Variants in EYS observed in about 807,000 individuals in gnomAD.
EYS encodes protein eyes shut homolog.
Under a neutral mutation model 282.1 loss-of-function variants are expected in EYS, and 250 were observed. That is an observed-to-expected ratio of 0.89 (90% CI 0.80 to 0.98). EYS has a LOEUF of 0.98. Among genes scored for constraint, EYS ranks in the 50% least tolerant of loss-of-function variants. EYS has a pLI of 0.00. For synonymous variants in EYS, 1,355 were observed against 1,282.9 expected (o/e 1.06, Z -1.20); for missense variants, 4,016 against 3,709.0 (o/e 1.08, Z -2.15).
chr6:65,145,534 G>GGAAA (rs2150211644), intron 12 of EYS, among the ~76,000 whole-genome samples: 2 of 151,878 alleles, frequency 1.3e-5, no homozygotes, highest in Admixed American at 1.3e-4. Context: ...AGGATGTGGA[G>GGAAA]GAAAGAAATG....
At chr6:65,556,457 C>A (rs1205040388) in intron 2 of EYS, among the ~76,000 whole-genome samples, 1 of 149,228 alleles carries the variant, frequency 6.7e-6, no homozygotes, top group Non-Finnish European at 1.5e-5. Flanking sequence ...GTGTCAGATC[C>A]TCTTTTAGTG....
chr6:63,871,194 G>A (rs1477382301), intron 35 of EYS, among the ~76,000 whole-genome samples: 4 of 152,188 alleles, frequency 2.6e-5, no homozygotes, highest in East Asian at 1.9e-4. Flanking sequence ...GTAGATCTGA[G>A]CTGAGATGCA....
Position 64,958,714 on chromosome 6 carries a change from G to A in EYS, c.2260-12800C>T, listed in dbSNP as rs1290301844. ...CGCGCCACAGCACTCCAGCCTGGGC[G>A]ACAAAACGAGACTCCGTCTCAAAAA... On this transcript the variant is annotated intron_variant, in intron 14 of 42. Transcript: ENST00000503581. Among the ~76,000 whole-genome samples, 343 of 80,092 alleles carry A rather than the reference G, an allele frequency of 4.3e-3. 1 individual carries two copies. Among genetic ancestry groups the A allele is most frequent in the Middle Eastern group, 0.037 (2 of 54 alleles). 52.5% of individuals were successfully genotyped at this position (80,092 alleles called of 152,430 possible).
At chr6:63,935,545 G>A (rs1765033419) in intron 35 of EYS, among the ~76,000 whole-genome samples, 1 of 152,094 alleles carries the variant, frequency 6.6e-6, no homozygotes, top group Non-Finnish European at 1.5e-5. Flanking sequence ...TTGAAAAGGA[G>A]GAAGAGGAAA....
rs765310261 is a variant in EYS, at chr6:63,721,352, A to G, written c.8679T>C (p.Asn2893=). Reference sequence around the variant, plus strand: ...AACATCTGCAAGAAAAAGTTGTGCCATTTACTGTACATTCACCTCCATTTC... The same window carrying G: ...AACATCTGCAAGAAAAAGTTGTGCCGTTTACTGTACATTCACCTCCATTTC... ...TCRNGGECTV[N]GTTFSCRCLP... Residue 2893 remains asparagine, a synonymous_variant, in exon 43 of 43, where the codon AAT becomes AAC. Transcript: ENST00000503581. 17 of 1,551,778 alleles carry G rather than the reference A, an allele frequency of 1.1e-5. No individual in the cohort carries two copies. The highest frequency in any genetic ancestry group is 6.1e-6 in the Non-Finnish European group (7 of 1,146,984).
At chr6:63,893,314 T>C (rs528963402) in intron 35 of EYS, among the ~76,000 whole-genome samples, 88 of 152,106 alleles carry the variant, frequency 5.8e-4, no homozygotes, top group Non-Finnish European at 1.0e-3. Flanking sequence ...TAGCAAAGAC[T>C]TGGAACCAAC....
chr6:65,112,654 G>T (rs1262356906), intron 12 of EYS, among the ~76,000 whole-genome samples: 3 of 152,122 alleles, frequency 2.0e-5, no homozygotes, highest in Non-Finnish European at 4.4e-5. Flanking sequence ...TTTAGAAGGA[G>T]AGATTTCCTT....
At chr6:64,951,958 A>G (rs1164676280) in intron 14 of EYS, among the ~76,000 whole-genome samples, 1 of 152,002 alleles carries the variant, frequency 6.6e-6, no homozygotes, top group Non-Finnish European at 1.5e-5. Context: ...GAGAGTGACC[A>G]CAGATTTAGA....
chr6:64,158,883 T>C (rs1022730683), intron 31 of EYS, among the ~76,000 whole-genome samples: 2 of 152,234 alleles, frequency 1.3e-5, no homozygotes, highest in Admixed American at 6.5e-5. Context: ...CATTCATTAA[T>C]TGAGTCATTC....
intron 22 of EYS, among the ~76,000 whole-genome samples, chr6:64,743,144 G>A (rs1772431470): frequency 6.6e-6 from 1 of 152,034 alleles, no homozygotes; most frequent in Non-Finnish European, 1.5e-5. Context: ...ATGAACAAAT[G>A]TGATAAACCT....
intron 30 of EYS, among the ~76,000 whole-genome samples, chr6:64,236,092 G>C (rs1766597252): frequency 6.6e-6 from 1 of 152,078 alleles, no homozygotes; most frequent in African/African-American, 2.4e-5. Flanking sequence ...CTGGCAAATC[G>C]AATCCAGCAG....
At chr6:65,349,783 T>C (rs1447113026) in intron 9 of EYS, among the ~76,000 whole-genome samples, 8 of 151,386 alleles carry the variant, frequency 5.3e-5, no homozygotes, top group Non-Finnish European at 1.2e-4. Context: ...GTATGAAGGT[T>C]GAAAGAAAAA....
chr6:64,923,014 T>C (rs1768398897), intron 15 of EYS, among the ~76,000 whole-genome samples: 1 of 152,152 alleles, frequency 6.6e-6, no homozygotes, highest in East Asian at 1.9e-4. Flanking sequence ...CTTGTTTACT[T>C]TTTTTGGGGT....
intron 29 of EYS, among the ~76,000 whole-genome samples, chr6:64,351,115 T>C (rs953240320): frequency 2.0e-5 from 3 of 151,228 alleles, no homozygotes; most frequent in African/African-American, 7.3e-5. Context: ...TTCTTCATAG[T>C]AGCGTGAGAA....
At chr6:64,367,796 A>G (rs1772227536) in intron 29 of EYS, among the ~76,000 whole-genome samples, 1 of 152,024 alleles carries the variant, frequency 6.6e-6, no homozygotes. Flanking sequence ...GCTCTTCCAC[A>G]ATGTGACCAT....
chr6:65,647,473 A>C (rs1321821693), intron 1 of EYS, among the ~76,000 whole-genome samples: 1 of 152,196 alleles, frequency 6.6e-6, no homozygotes, highest in African/African-American at 2.4e-5. Flanking sequence ...ATGTAGAAGA[A>C]TGAAGCTGGA....
chr6:63,729,637 C>G (rs67935772), intron 41 of EYS, among the ~76,000 whole-genome samples: 15,408 of 151,852 alleles, frequency 0.1, 856 homozygotes, highest in East Asian at 0.16. Flanking sequence ...GCAGTTGACT[C>G]TATTTTGTGG....
intron 35 of EYS, among the ~76,000 whole-genome samples, chr6:63,950,318 T>A (rs974947279): frequency 6.6e-6 from 1 of 152,176 alleles, no homozygotes; most frequent in Admixed American, 6.5e-5. Context: ...GTCCGGTTCC[T>A]GCCTTAACTG....
chr6:63,999,242 T>TTTCTA, intron 33 of EYS, 59 bp from the exon 34 acceptor site: 1 of 1,048,208 alleles, frequency 9.5e-7, no homozygotes, highest in Non-Finnish European at 1.4e-6. Context: ...AAGGAGTAAC[T>TTTCTA]TCACACATGG....
Sources: gnomAD v4.1 joint callset for allele counts (sites outside exome capture counted in the v4.1 genomes callset) on GRCh38, gnomAD v4.1.1 for gene constraint, MANE v1.5 for transcripts, NCBI Gene and HGNC (gene_info 2026-07-23, HGNC 2026-07-21) for gene names.